Variants in IQGAP2 observed in about 807,000 individuals in gnomAD.
The protein encoded by IQGAP2 is IQ motif containing GTPase activating protein 2.
In IQGAP2, 173 loss-of-function variants were observed where a neutral mutation model predicts 201.3. The observed-to-expected ratio is 0.86, with a 90% CI of 0.76 to 0.98. IQGAP2 has a LOEUF of 0.98. IQGAP2 is among the 50% of genes least tolerant of loss of function. The probability of loss-of-function intolerance (pLI) is 0.00; values close to 1 mark genes in which losing one functional copy is unlikely to be tolerated. For missense variants in IQGAP2, 1,687 were observed against 1,864.8 expected (o/e 0.90, Z 1.76); for synonymous variants, 675 against 673.9 (o/e 1.00, Z -0.03).
At position 76,657,595 on chromosome 5, in the gene IQGAP2, C is replaced by A. The variant is rs556216549; in HGVS notation, c.2321-864C>A. 4.6e-5 allele frequency among the ~76,000 whole-genome samples: 7 copies of A among 152,312 alleles called. No individual in the cohort carries two copies. In the South Asian group the frequency reaches 1.4e-3, roughly 32 times the overall value. The stretch of plus-strand genomic sequence containing the variant: ...AATGAGATGGCCATGGCTGGACTAG[C>A]TCTTCCAAGTCATCTTTCTATTACT... On this transcript the variant is annotated intron_variant, in intron 20 of 35. Coordinates refer to ENST00000274364, the MANE Select transcript of IQGAP2 (RefSeq NM_006633.5).
At chr5:76,624,889 C>T (rs1038936807) in intron 13 of IQGAP2, among the ~76,000 whole-genome samples, 2 of 152,094 alleles carry the variant, frequency 1.3e-5, no homozygotes, top group African/African-American at 4.8e-5. Flanking sequence ...GCCTGACCAA[C>T]ATGGTGAAAC....
At chr5:76,550,871 C>T (rs1743422473) in intron 2 of IQGAP2, among the ~76,000 whole-genome samples, 2 of 152,256 alleles carry the variant, frequency 1.3e-5, no homozygotes, top group South Asian at 4.1e-4. Context: ...GTTGGGTACA[C>T]CTCCTAGACG....
At chr5:76,453,748 A>G (rs114886460) in intron 1 of IQGAP2, among the ~76,000 whole-genome samples, 1,914 of 152,304 alleles carry the variant, frequency 0.013, 35 homozygotes, top group African/African-American at 0.044. Context: ...TTCATTATCT[A>G]TAGAGAATAG....
chr5:76,606,098 A>G, intron 11 of IQGAP2, 81 bp from the exon 12 acceptor site: 1 of 1,242,032 alleles, frequency 8.1e-7, no homozygotes, highest in Non-Finnish European at 1.1e-6. Flanking sequence ...ACTATGTTTG[A>G]CCATGTGTCA....
Position 76,562,376 on chromosome 5 carries a change from T to A in IQGAP2, c.147-20T>A, listed in dbSNP as rs77265800. The A allele has an allele frequency of 4.9e-4, 771 of 1,570,748 alleles. 8 individuals carry two copies. In the East Asian group the frequency reaches 0.015, roughly 30 times the overall value. On this transcript the variant is annotated intron_variant, in intron 2 of 35. Transcript: ENST00000274364. ...TACCCAACTGGAATCACTTTAATAT[T>A]TTTTTTTTAATCTCTTTAGGTGGAT...
chr5:76,450,596 C>T (rs1376579678), intron 1 of IQGAP2, among the ~76,000 whole-genome samples: 1 of 152,136 alleles, frequency 6.6e-6, no homozygotes, highest in Non-Finnish European at 1.5e-5. Flanking sequence ...TGTGGTAGCA[C>T]TTTATAAATA....
At chr5:76,677,916 G>C (rs1263348440) in intron 28 of IQGAP2, among the ~76,000 whole-genome samples, 3 of 152,104 alleles carry the variant, frequency 2.0e-5, no homozygotes, top group Non-Finnish European at 4.4e-5. Flanking sequence ...GGGCAACAGA[G>C]CGAGACCCTA....
At position 76,641,068 on chromosome 5, in the gene IQGAP2, T is replaced by C. The variant is rs1407832143; in HGVS notation, c.2059T>C (p.Leu687=). The C allele has an allele frequency of 6.2e-7, 1 of 1,607,904 alleles. No individual in the cohort carries two copies. Among genetic ancestry groups the C allele is most frequent in the Non-Finnish European group, 8.5e-7 (1 of 1,174,962 alleles). The change falls in exon 17 of 36, where the codon TTG becomes CTG. Residue 687 remains leucine (L), a synonymous_variant. Coordinates refer to ENST00000274364, the MANE Select transcript of IQGAP2 (RefSeq NM_006633.5). ...AGAGTTTGAAGCTAGAAAATCATTT[T>C]TGCATGAACAAGAAGAGAATGTGGT... The part of the protein sequence containing the change: ...REEFEARKSF[L]HEQEENVVKI...
chr5:76,448,178 T>TGGTTGGG (rs1753521418), intron 1 of IQGAP2, among the ~76,000 whole-genome samples: 1 of 152,184 alleles, frequency 6.6e-6, no homozygotes, highest in Non-Finnish European at 1.5e-5. Context: ...GTCTCAAGCC[T>TGGTTGGG]CTGTTTCCAC....
intron 1 of IQGAP2, among the ~76,000 whole-genome samples, chr5:76,418,468 C>T (rs1033567770): frequency 8.6e-5 from 13 of 151,762 alleles, no homozygotes; most frequent in Non-Finnish European, 1.5e-4. Context: ...GAGGCAGAGA[C>T]GGGAGGATTG....
intron 9 of IQGAP2, 137 bp from the exon 10 acceptor site, chr5:76,597,302 C>A (rs1157635309): frequency 2.6e-6 from 2 of 766,574 alleles, no homozygotes; most frequent in Non-Finnish European, 4.2e-6. Flanking sequence ...AAAGCCTTAC[C>A]TACCCTCTGC....
intron 20 of IQGAP2, among the ~76,000 whole-genome samples, chr5:76,657,127 G>C (rs895601397): frequency 6.6e-6 from 1 of 152,110 alleles, no homozygotes; most frequent in Non-Finnish European, 1.5e-5. Flanking sequence ...TATTAAATTC[G>C]AGCCATAACA....
chr5:76,651,472 G>A (rs1209238409), intron 17 of IQGAP2, among the ~76,000 whole-genome samples: 1 of 152,162 alleles, frequency 6.6e-6, no homozygotes, highest in Non-Finnish European at 1.5e-5. Context: ...GCATGGTGGT[G>A]CACACCTGTA....
chr5:76,661,204 A>C (rs544639733), intron 21 of IQGAP2, among the ~76,000 whole-genome samples: 1 of 139,842 alleles, frequency 7.2e-6, no homozygotes, highest in African/African-American at 2.8e-5. Context: ...AGCTCTTGCT[A>C]GTAACCTTAA....
intron 28 of IQGAP2, among the ~76,000 whole-genome samples, chr5:76,682,779 A>G (rs1745417476): frequency 6.6e-6 from 1 of 152,222 alleles, no homozygotes; most frequent in African/African-American, 2.4e-5. Context: ...GTTAACTGAA[A>G]GATCTGCCTC....
chr5:76,701,172 G>A lies in IQGAP2; in HGVS notation c.4464G>A (p.Glu1488=), dbSNP rs377118954. The change falls in exon 34 of 36, where the codon GAG becomes GAA. Residue 1488 remains glutamate (E), a synonymous_variant. Transcript: ENST00000274364. ...AGTACACTGCAGCAAAGCTGCATGA[G>A]AAAGGTGTCCTGCTAGATATAGATG... The part of the protein sequence containing the change: ...PVKYTAAKLH[E]KGVLLDIDDL... 106 of 1,614,018 alleles carry A rather than the reference G, an allele frequency of 6.6e-5. No homozygotes were observed. The highest frequency in any genetic ancestry group is 8.6e-5 in the Non-Finnish European group (101 of 1,179,924).
chr5:76,493,750 A>C (rs1454366925), intron 2 of IQGAP2, among the ~76,000 whole-genome samples: 4 of 152,216 alleles, frequency 2.6e-5, no homozygotes, highest in Admixed American at 2.0e-4. Context: ...TACAAAGAAG[A>C]AGCTCAGTCA....
chr5:76,631,951 A>G lies in IQGAP2; in HGVS notation c.1705A>G (p.Asn569Asp), dbSNP rs760963354. The G allele has an allele frequency of 1.2e-6, 2 of 1,612,972 alleles. No individual in the cohort carries two copies. Among genetic ancestry groups the G allele is most frequent in the Admixed American group, 3.3e-5 (2 of 59,938 alleles). ...SVLKSSTSNA[N>D]DIIPECADKY... ...ATTGAAGTCTTCCACTTCTAATGCA[A>G]ATGACATAATCCCGGAGTGTGCTGA... Residue 569 changes from asparagine to aspartate, a missense_variant, in exon 15 of 36, where the codon AAT becomes GAT. By Grantham distance (23) the Asn-to-Asp change is conservative (BLOSUM62 1). Coordinates refer to ENST00000274364, the MANE Select transcript of IQGAP2 (RefSeq NM_006633.5).
At chr5:76,635,350 A>G (rs556491468) in intron 15 of IQGAP2, among the ~76,000 whole-genome samples, 1 of 152,318 alleles carries the variant, frequency 6.6e-6, no homozygotes, top group South Asian at 2.1e-4. Flanking sequence ...TTCCATGTAA[A>G]TCAAAGTTCA....
Sources: gnomAD v4.1 joint callset for allele counts (sites outside exome capture counted in the v4.1 genomes callset) on GRCh38, gnomAD v4.1.1 for gene constraint, MANE v1.5 for transcripts, NCBI Gene and HGNC (gene_info 2026-07-23, HGNC 2026-07-21) for gene names.